Variants in NAV3 observed in about 807,000 individuals in gnomAD.
NAV3 encodes the protein pore membrane and/or filament interacting like protein 1.
Under a neutral mutation model 244.7 loss-of-function variants are expected in NAV3, and 87 were observed. The observed-to-expected ratio is 0.36, with a 90% CI of 0.30 to 0.42. NAV3 has a LOEUF of 0.42. Ranked by LOEUF, NAV3 falls within the 20% of genes least tolerant of loss-of-function variation. The pLI, the probability that NAV3 is intolerant of heterozygous loss-of-function variation, is 1.00. For missense variants in NAV3, 2,663 were observed against 2,893.3 expected, an observed-to-expected ratio of 0.92 and a Z score of 1.83; for synonymous variants, 1,126 against 1,042.2, an observed-to-expected ratio of 1.08 and a Z score of -1.55.
intron 1 of NAV3, among the ~76,000 whole-genome samples, chr12:77,854,212 C>T (rs1350272512): frequency 4.6e-5 from 7 of 152,082 alleles, no homozygotes; most frequent in East Asian, 1.9e-4. Flanking sequence ...AAGCAATAGC[C>T]TACATGATGT....
At chr12:77,880,419 T>TAAGCAG (rs1882479637) in intron 1 of NAV3, among the ~76,000 whole-genome samples, 1 of 152,134 alleles carries the variant, frequency 6.6e-6, no homozygotes, top group Admixed American at 6.6e-5. Flanking sequence ...AACCTGCAAG[T>TAAGCAG]AAGCAGAAAT....
chr12:77,873,762 A>ATC lies in NAV3; in HGVS notation c.243+42059_243+42060insCT, dbSNP rs1156249631. ...TGTGTGTGTATATATATATATATAT[A>ATC]TATATGTATATAACAGCATATGCAT... On this transcript the variant is annotated intron_variant, in intron 1 of 39. Transcript: ENST00000397909. Among the ~76,000 whole-genome samples the ATC allele has an allele frequency of 4.0e-4, 46 of 116,326 alleles. 4 individuals are homozygous for ATC. In the South Asian group the frequency reaches 0.015, roughly 37 times the overall value. 76.3% of individuals were successfully genotyped at this position (116,326 alleles called of 152,430 possible).
chr12:77,587,569 T>C (rs1187334681), intron 2 of NAV3, among the ~76,000 whole-genome samples: 2 of 152,216 alleles, frequency 1.3e-5, no homozygotes, highest in Admixed American at 6.5e-5. Flanking sequence ...GTTACGTTTA[T>C]ATTCCAAGCA....
intron 9 of NAV3, chr12:78,036,890 G>C (rs748787610): frequency 2.8e-6 from 2 of 701,806 alleles, no homozygotes; most frequent in South Asian, 3.0e-5. Context: ...AACTCTCTGT[G>C]TTCCGGAGCA....
At chr12:78,084,461 T>G (rs913676199) in intron 12 of NAV3, among the ~76,000 whole-genome samples, 7 of 152,146 alleles carry the variant, frequency 4.6e-5, no homozygotes, top group African/African-American at 1.4e-4. Context: ...AATTTTTTTT[T>G]GTCTTTACTA....
At chr12:77,648,468 G>A (rs745947774) in intron 2 of NAV3, among the ~76,000 whole-genome samples, 1 of 152,036 alleles carries the variant, frequency 6.6e-6, no homozygotes, top group Non-Finnish European at 1.5e-5. Context: ...AAATTACAGA[G>A]TCTTAGAATA....
intron 12 of NAV3, among the ~76,000 whole-genome samples, chr12:78,113,889 A>T (rs979342286): frequency 1.3e-5 from 2 of 152,176 alleles, no homozygotes; most frequent in Non-Finnish European, 2.9e-5. Context: ...TTTAAAATTA[A>T]GTTCCAATTC....
chr12:77,758,916 A>G (rs891975771), intron 2 of NAV3, among the ~76,000 whole-genome samples: 6 of 152,244 alleles, frequency 3.9e-5, no homozygotes, highest in Admixed American at 1.3e-4. Context: ...TTTAAGCCAA[A>G]GCATCATTTC....
intron 17 of NAV3, among the ~76,000 whole-genome samples, chr12:78,128,289 C>CTGCCAATATG: frequency 6.8e-6 from 1 of 146,242 alleles, no homozygotes; most frequent in African/African-American, 2.5e-5. Context: ...AAAACAAAAG[C>CTGCCAATATG]TGCCAATATG....
At chr12:78,113,819 T>C (rs1955230002) in intron 12 of NAV3, among the ~76,000 whole-genome samples, 1 of 152,228 alleles carries the variant, frequency 6.6e-6, no homozygotes, top group Non-Finnish European at 1.5e-5. Context: ...AAAATGAGTT[T>C]TTCTTTTCTA....
chr12:78,180,820 T>G (rs762998910), intron 29 of NAV3, 51 bp from the exon 30 acceptor site: 1 of 1,481,988 alleles, frequency 6.7e-7, no homozygotes, highest in Admixed American at 2.0e-5. Context: ...TGGTGCTATT[T>G]TCTCAATCAA....
intron 2 of NAV3, among the ~76,000 whole-genome samples, chr12:77,660,924 C>G (rs949091321): frequency 1.3e-5 from 2 of 152,064 alleles, no homozygotes; most frequent in African/African-American, 4.8e-5. Flanking sequence ...AGCCGTAGTT[C>G]ATTTCTTTTT....
chr12:77,766,735 G>GTTTTTTTTTTTTTTT (rs748531378), intron 2 of NAV3, among the ~76,000 whole-genome samples: 11 of 60,514 alleles, frequency 1.8e-4, no homozygotes, highest in South Asian at 8.4e-4. Context: ...AGGCAATTAA[G>GTTTTTTTTTTTTTTT]TTTTTTTTTT....
At chr12:78,142,659 ATGTATATATATACATATATATG>A (rs1299062286) in intron 20 of NAV3, among the ~76,000 whole-genome samples, 7 of 128,868 alleles carry the variant, frequency 5.4e-5, no homozygotes, top group South Asian at 4.7e-4. Context: ...AAAATAGAGT[ATGTATATATATACATATATATG>A]TGTATATATA....
At chr12:77,818,775 A>G (rs531964728) in intron 2 of NAV3, among the ~76,000 whole-genome samples, 13 of 152,204 alleles carry the variant, frequency 8.5e-5, no homozygotes, top group Non-Finnish European at 1.6e-4. Flanking sequence ...ATTTGAGGAA[A>G]TCAATTTTTG....
At chr12:77,941,199 A>G in intron 3 of NAV3, 66 bp downstream of exon 3, 1 of 996,596 alleles carries the variant, frequency 1.0e-6, no homozygotes, top group Non-Finnish European at 1.5e-6. Flanking sequence ...TTGCATTTGT[A>G]AATGGATATT....
At chr12:77,728,653 A>T (rs1052190589) in intron 2 of NAV3, among the ~76,000 whole-genome samples, 3 of 151,940 alleles carry the variant, frequency 2.0e-5, no homozygotes, top group African/African-American at 7.2e-5. Flanking sequence ...CAGTAGACAG[A>T]GTATCATTTA....
chr12:77,982,306 T>C (rs1869725121), intron 5 of NAV3, among the ~76,000 whole-genome samples: 1 of 76,194 alleles, frequency 1.3e-5, no homozygotes, highest in African/African-American at 3.6e-5. Flanking sequence ...AGTTCATATG[T>C]GACCTTTCCA....
At chr12:78,198,825 G>C in intron 36 of NAV3, 149 bp downstream of exon 36, 1 of 608,404 alleles carries the variant, frequency 1.6e-6, no homozygotes, top group Non-Finnish European at 2.9e-6. Flanking sequence ...GATGACCTGT[G>C]GTGTGAAAAT....
Sources: allele counts gnomAD v4.1 joint callset (sites outside exome capture counted in the v4.1 genomes callset), GRCh38; gene constraint gnomAD v4.1.1; transcripts MANE v1.5; gene names NCBI Gene and HGNC (gene_info 2026-07-23, HGNC 2026-07-21).